The following COX17 variants were observed in gnomAD, a reference collection of about 807,000 sequenced individuals.
COX17 encodes the protein cytochrome c oxidase copper chaperone.
A neutral mutation model predicts 6.3 loss-of-function variants in COX17; 1 was observed. The ratio of observed to expected loss-of-function variants is 0.16; its 90% CI spans 0.06 to 0.75. The LOEUF (loss-of-function observed/expected upper bound fraction) is 0.75, where lower values mean the gene tolerates loss of function less well. Ranked by LOEUF, COX17 falls within the 30% of genes least tolerant of loss-of-function variation. The pLI, the probability that COX17 is intolerant of heterozygous loss-of-function variation, is 0.77. For synonymous variants in COX17, 26 were observed against 30.5 expected, an observed-to-expected ratio of 0.85 and a Z score of 0.49; for missense variants, 73 against 81.2, an observed-to-expected ratio of 0.90 and a Z score of 0.39.
At chr3:119,675,102 TA>T in intron 2 of COX17, 42 bp downstream of exon 2, 2 of 1,360,388 alleles carry the variant, frequency 1.5e-6, no homozygotes, top group South Asian at 1.2e-5. Flanking sequence ...CAATTGTTGC[TA>T]AATCTGTAAA....
downstream of COX17, among the ~76,000 whole-genome samples, chr3:119,668,525 G>T (rs1341042792): frequency 6.7e-6 from 1 of 150,054 alleles, no homozygotes. Flanking sequence ...AATCTCGTAA[G>T]TTAGGTATTA....
downstream of COX17, among the ~76,000 whole-genome samples, chr3:119,667,384 G>C (rs1169888724): frequency 2.0e-4 from 30 of 151,972 alleles, no homozygotes; most frequent in Admixed American, 2.0e-3. Context: ...TGTTGCAGAG[G>C]CCAAAAAGGG....
intron 2 of COX17, chr3:119,674,273 T>C (rs2053076212): frequency 6.6e-6 from 1 of 152,328 alleles, no homozygotes; most frequent in Non-Finnish European, 1.5e-5. Flanking sequence ...GTCTGGGAAG[T>C]GAGGAGCACC....
downstream of COX17, chr3:119,669,479 A>G (rs2053023059): frequency 6.6e-6 from 1 of 152,152 alleles, no homozygotes; most frequent in Non-Finnish European, 1.5e-5. Flanking sequence ...CCTTTGGGGG[A>G]AAAAGCCACG....
Position 119,677,083 on chromosome 3 carries a change from G to A in COX17, c.107+121C>T, listed in dbSNP as rs2053111183. On this transcript the variant is annotated intron_variant, in intron 1 of 2. Coordinates refer to ENST00000261070, the MANE Select transcript of COX17 (RefSeq NM_005694.2). ...GAAGGGGGGAAGGAAGAGGGCAGAG[G>A]GCAGAAGGCAGAGGGCAGAGGGCAG... is the stretch of plus-strand genomic sequence containing the variant. 1.1e-5 allele frequency: 6 copies of A among 560,284 alleles called. No individual in the cohort carries two copies. In the East Asian group the frequency reaches 1.6e-4, roughly 15 times the overall value. 34.7% of individuals were successfully genotyped at this position (560,284 alleles called of 1,614,324 possible). A position where few individuals can be genotyped will look rare whatever the true frequency, so the allele number is the denominator to read the frequency against.
At chr3:119,666,780 C>T (rs1405765127), downstream of COX17, 1 of 152,182 alleles carries the variant, frequency 6.6e-6, no homozygotes, top group African/African-American at 2.4e-5. Context: ...CTGATTCACA[C>T]ATGAATTATC....
downstream of COX17, among the ~76,000 whole-genome samples, chr3:119,665,774 C>T (rs1428589346): frequency 6.6e-6 from 1 of 152,130 alleles, no homozygotes; most frequent in Non-Finnish European, 1.5e-5. Context: ...TTCTGTATTG[C>T]TTGTGTCAGT....
At chr3:119,666,631 T>C (rs1411642598), downstream of COX17, among the ~76,000 whole-genome samples, 3 of 152,228 alleles carry the variant, frequency 2.0e-5, no homozygotes, top group East Asian at 1.9e-4. Context: ...CTACGGTTTA[T>C]ATACATATAT....
downstream of COX17, among the ~76,000 whole-genome samples, chr3:119,667,912 C>T (rs971618170): frequency 2.0e-5 from 3 of 152,066 alleles, no homozygotes; most frequent in Non-Finnish European, 4.4e-5. Context: ...ATTCCTAGAA[C>T]GGCATCTGAC....
chr3:119,670,410 C>A (rs945544749), intron 2 of COX17, among the ~76,000 whole-genome samples: 4 of 152,180 alleles, frequency 2.6e-5, no homozygotes, highest in African/African-American at 9.7e-5. Flanking sequence ...ATACAAACAT[C>A]TAAACTCTTT....
chr3:119,666,965 C>T (rs1238422176), downstream of COX17: 1 of 152,186 alleles, frequency 6.6e-6, no homozygotes, highest in Non-Finnish European at 1.5e-5. Context: ...CTTATCCTCT[C>T]CAAGCACCTA....
intron 2 of COX17, 82 bp downstream of exon 2, chr3:119,675,063 G>C (rs2053085632): frequency 1.0e-6 from 1 of 977,138 alleles, no homozygotes; most frequent in Non-Finnish European, 1.6e-6. Context: ...GATTAACCAG[G>C]TGAACTACCT....
At position 119,669,599 on chromosome 3, in the gene COX17, C is replaced by T. The variant is rs528932411; in HGVS notation, c.*71G>A. ...AATACTTTTTCCACATATCAAAGTT[C>T]GTCAAAGAACTCCCAAAATTAATCT... is the stretch of plus-strand genomic sequence containing the variant. On this transcript the variant is annotated 3_prime_UTR_variant, in exon 3 of 3. Transcript: ENST00000261070. 5.3e-5 allele frequency: 8 copies of T among 152,286 alleles called. No individual in the cohort carries two copies. In the East Asian group the frequency reaches 1.5e-3, roughly 29 times the overall value. The allele number at this position is 152,286 out of a possible 1,614,324, so 9.4% of individuals were successfully genotyped here.
intron 3 of COX17, among the ~76,000 whole-genome samples, chr3:119,664,365 A>AT (rs906838176): frequency 5.9e-5 from 9 of 152,254 alleles, no homozygotes; most frequent in Non-Finnish European, 8.8e-5. Flanking sequence ...TTAAAAAAAT[A>AT]TTTTTTTCCA....
In COX17 at chr3:119,677,188, C is replaced by G. The variant is rs1444714081; in HGVS notation, c.107+16G>C. 6.2e-7 allele frequency: 1 copy of G among 1,600,762 alleles called. No homozygotes were observed. ...CCGGGGCTCGTCGGCCGCGCCCTCT[C>G]CGGCTGCGCACTGACCACGCATCGC... On this transcript the variant is annotated intron_variant, in intron 1 of 2. Coordinates refer to ENST00000261070, the MANE Select transcript of COX17 (RefSeq NM_005694.2).
At chr3:119,669,320 G>A (rs942007336), downstream of COX17, 2 of 151,614 alleles carry the variant, frequency 1.3e-5, no homozygotes, top group African/African-American at 2.4e-5. Flanking sequence ...TTGGTAAAGG[G>A]TTATTTTACT....
chr3:119,671,165 T>G (rs1242174714), intron 2 of COX17, among the ~76,000 whole-genome samples: 2 of 152,190 alleles, frequency 1.3e-5, no homozygotes, highest in African/African-American at 4.8e-5. Context: ...GGCCAGTGGT[T>G]GTTAAAGAGG....
chr3:119,673,086 G>A (rs1373311144), intron 2 of COX17, among the ~76,000 whole-genome samples: 2 of 152,170 alleles, frequency 1.3e-5, no homozygotes, highest in Non-Finnish European at 2.9e-5. Context: ...TTCTCTCTCA[G>A]CTGTTATTAA....
At position 119,677,217 on chromosome 3, in the gene COX17, C is replaced by A; in HGVS notation, c.94G>T (p.Ala32Ser). 1 of 1,611,274 alleles carries A rather than the reference C, an allele frequency of 6.2e-7. No individual in the cohort carries two copies. Among genetic ancestry groups the A allele is most frequent in the East Asian group, 2.2e-5 (1 of 44,860 alleles). ...CTGCGCACTGACCACGCATCGCGCGCCTTCTTGGTCTCCGGGCAAGCGCAG... is the reference window on the plus strand; with the variant it reads ...CTGCGCACTGACCACGCATCGCGCGACTTCTTGGTCTCCGGGCAAGCGCAG... ...PCCACPETKKARDACIIEKGE... is the reference protein window; with the variant it reads ...PCCACPETKKSRDACIIEKGE... The change falls in exon 1 of 3, where the codon GCG becomes TCG. Residue 32 changes from alanine to serine, a missense_variant. Transcript: ENST00000261070.
Sources: allele counts gnomAD v4.1 joint callset (sites outside exome capture counted in the v4.1 genomes callset), GRCh38; gene constraint gnomAD v4.1.1; transcripts MANE v1.5; gene names NCBI Gene and HGNC (gene_info 2026-07-23, HGNC 2026-07-21).